GOLGA8B: variants seen among roughly 807,000 people sequenced by gnomAD.
The protein encoded by GOLGA8B is golgin subfamily A member 8B.
A neutral mutation model predicts 15.6 loss-of-function variants in GOLGA8B; 1 was observed. That is an observed-to-expected ratio of 0.06 (90% CI 0.02 to 0.30). GOLGA8B has a LOEUF of 0.30. GOLGA8B is among the 10% of genes least tolerant of loss of function. GOLGA8B has a pLI of 1.00. For synonymous variants in GOLGA8B, 9 were observed against 80.3 expected, an observed-to-expected ratio of 0.11 and a Z score of 4.75; for missense variants, 17 against 201.3, an observed-to-expected ratio of 0.08 and a Z score of 5.54.
At chr15:34,570,662 A>G (rs2140350847) in intron 1 of GOLGA8B, among the ~76,000 whole-genome samples, 1 of 127,646 alleles carries the variant, frequency 7.8e-6, no homozygotes, top group South Asian at 2.6e-4. Context: ...CAATAAAAAA[A>G]TACGAGAGGA....
chr15:34,577,067 C>G (rs7173836), intron 1 of GOLGA8B, among the ~76,000 whole-genome samples: 78,220 of 143,644 alleles, frequency 0.54, 22,257 homozygotes, highest in African/African-American at 0.63. Context: ...CTCACACGTG[C>G]AGGCAGAGCC....
At chr15:34,582,181 C>G (rs6495688) in intron 1 of GOLGA8B, among the ~76,000 whole-genome samples, 1 of 151,866 alleles carries the variant, frequency 6.6e-6, no homozygotes, top group Non-Finnish European at 1.5e-5. Flanking sequence ...TTCCTGTCCC[C>G]CTGCGTAGTG....
chr15:34,573,281 G>C (rs1246349658), intron 1 of GOLGA8B, among the ~76,000 whole-genome samples: 1 of 152,194 alleles, frequency 6.6e-6, no homozygotes, highest in Non-Finnish European at 1.5e-5. Flanking sequence ...GCTCACGCCT[G>C]TAATCGCAGC....
rs548984621 is a variant in GOLGA8B, at chr15:34,574,957, T to C, written c.-1123+8559A>G. On this transcript the variant is annotated intron_variant, in intron 1 of 23. Transcript: ENST00000683415. ...CCCAAGCTGCAGGCGCCCTGGCCTATCGAGGCCGTGGACAGGAGGCACCTG... is the reference window on the plus strand; with the variant it reads ...CCCAAGCTGCAGGCGCCCTGGCCTACCGAGGCCGTGGACAGGAGGCACCTG... 1.3e-3 allele frequency: 201 copies of C among 152,208 alleles called. 2 individuals are homozygous for C. The highest frequency in any genetic ancestry group is 4.2e-3 in the African/African-American group (176 of 41,500). The allele number at this position is 152,208 out of a possible 1,614,324, so 9.4% of individuals were successfully genotyped here.
At chr15:34,569,355 C>T (rs554667295) in intron 1 of GOLGA8B, among the ~76,000 whole-genome samples, 1 of 151,886 alleles carries the variant, frequency 6.6e-6, no homozygotes, top group South Asian at 2.1e-4. Flanking sequence ...TCCCTCTCCT[C>T]TCCCTCTCCC....
intron 1 of GOLGA8B, among the ~76,000 whole-genome samples, chr15:34,572,915 C>T (rs918571907): frequency 1.3e-5 from 2 of 152,120 alleles, no homozygotes; most frequent in Non-Finnish European, 2.9e-5. Context: ...CTTTCTTCTC[C>T]AGAGATACAA....
In GOLGA8B at chr15:34,565,229, A is replaced by T. The variant is rs61110448; in HGVS notation, c.-1122-11273T>A. Among the ~76,000 whole-genome samples the T allele has an allele frequency of 2.9e-5, 4 of 137,394 alleles. 1 individual carries two copies. Among genetic ancestry groups the T allele is most frequent in the African/African-American group, 1.0e-4 (4 of 38,742 alleles). The allele number at this position is 137,394 out of a possible 152,430, so 90.1% of individuals were successfully genotyped here. Reference sequence around the variant, plus strand: ...TGGCTCACTGCAACCTCCGCCTCCCAGGTTCAAGCAATTCTGTGGCCTCAG... The same window carrying T: ...TGGCTCACTGCAACCTCCGCCTCCCTGGTTCAAGCAATTCTGTGGCCTCAG... On this transcript the variant is annotated intron_variant, in intron 1 of 23. Transcript: ENST00000683415.
At chr15:34,572,012 G>C (rs1489478144) in intron 1 of GOLGA8B, among the ~76,000 whole-genome samples, 9 of 152,216 alleles carry the variant, frequency 5.9e-5, no homozygotes, top group Non-Finnish European at 1.2e-4. Context: ...GGATGAAAAA[G>C]AGAATTAGAA....
At position 34,583,615 on chromosome 15, in the gene GOLGA8B, G is replaced by A. The variant is rs962712370; in HGVS notation, c.-1222C>T. On this transcript the variant is annotated 5_prime_UTR_variant, in exon 1 of 24. Coordinates refer to ENST00000683415, the MANE Select transcript of GOLGA8B (RefSeq NM_001023567.5). ...AGCTCCTTGAGAGCCCGCACGTAGC[G>A]GCACACCGCGACTGCTAATTAGCCC... The A allele has an allele frequency of 6.6e-6, 1 of 152,144 alleles. No homozygotes were observed. The highest frequency in any genetic ancestry group is 1.5e-5 in the Non-Finnish European group (1 of 68,046). 9.4% of individuals were successfully genotyped at this position (152,144 alleles called of 1,614,324 possible). A position where few individuals can be genotyped will look rare whatever the true frequency, so the allele number is the denominator to read the frequency against.
chr15:34,575,899 C>T (rs1476672817), intron 1 of GOLGA8B, among the ~76,000 whole-genome samples: 1 of 152,216 alleles, frequency 6.6e-6, no homozygotes, highest in Non-Finnish European at 1.5e-5. Context: ...AATATAGTAG[C>T]TGCTTGGAAA....
intron 1 of GOLGA8B, among the ~76,000 whole-genome samples, chr15:34,580,006 G>A (rs1889187880): frequency 6.6e-6 from 1 of 152,208 alleles, no homozygotes. Flanking sequence ...TTTATGCAGG[G>A]CCATCAGGGA....
chr15:34,571,306 G>A (rs1182616479), intron 1 of GOLGA8B, among the ~76,000 whole-genome samples: 1 of 151,784 alleles, frequency 6.6e-6, no homozygotes, highest in East Asian at 1.9e-4. Flanking sequence ...AAGTAAGACA[G>A]TCTCAAAAAA....
intron 1 of GOLGA8B, among the ~76,000 whole-genome samples, chr15:34,580,830 T>G (rs1889208321): frequency 1.3e-5 from 2 of 151,708 alleles, no homozygotes; most frequent in Non-Finnish European, 2.9e-5. Context: ...ATCTCAAACT[T>G]GACCTACACT....
intron 1 of GOLGA8B, among the ~76,000 whole-genome samples, chr15:34,554,385 C>T (rs1268815884): frequency 1.3e-5 from 2 of 151,204 alleles, no homozygotes; most frequent in Admixed American, 6.6e-5. Flanking sequence ...ACATACCATG[C>T]CCACCTCATA....
At chr15:34,571,909 A>G (rs1408792504) in intron 1 of GOLGA8B, among the ~76,000 whole-genome samples, 1 of 152,120 alleles carries the variant, frequency 6.6e-6, no homozygotes, top group African/African-American at 2.4e-5. Context: ...AAATATCCGC[A>G]ATATATATAG....
At chr15:34,578,428 T>C (rs1889140788) in intron 1 of GOLGA8B, among the ~76,000 whole-genome samples, 1 of 152,162 alleles carries the variant, frequency 6.6e-6, no homozygotes. Flanking sequence ...TAAGTCCTAG[T>C]CATGCCCACC....
chr15:34,568,025 T>C (rs1437100989), intron 1 of GOLGA8B, among the ~76,000 whole-genome samples: 5 of 150,592 alleles, frequency 3.3e-5, no homozygotes, highest in Admixed American at 2.6e-4. Flanking sequence ...CCTCAGATAA[T>C]GGAGACCCAC....
chr15:34,545,458 A>T (rs985748146), intron 5 of GOLGA8B, 32 bp from the exon 6 acceptor site: 1 of 132,058 alleles, frequency 7.6e-6, no homozygotes, highest in Non-Finnish European at 1.6e-5. Context: ...ATACAAAACT[A>T]TCTCGAGAAT....
chr15:34,539,224 AT>A lies in GOLGA8B; in HGVS notation c.-381-1578del, dbSNP rs957655588. Among the ~76,000 whole-genome samples, 8 of 103,126 alleles carry A rather than the reference AT, an allele frequency of 7.8e-5. 1 individual carries two copies. Among genetic ancestry groups the A allele is most frequent in the Admixed American group, 2.4e-4 (2 of 8,322 alleles). 67.7% of individuals were successfully genotyped at this position (103,126 alleles called of 152,430 possible). The stretch of plus-strand genomic sequence containing the variant: ...AAATAACAGAGATGTAGACAAAACA[AT>A]TATTTGGGTGAGCTACAGGCAGTCT... On this transcript the variant is annotated intron_variant, in intron 7 of 23. Transcript: ENST00000683415.
Sources: gnomAD v4.1 joint callset for allele counts (sites outside exome capture counted in the v4.1 genomes callset) on GRCh38, gnomAD v4.1.1 for gene constraint, MANE v1.5 for transcripts, NCBI Gene and HGNC (gene_info 2026-07-23, HGNC 2026-07-21) for gene names.